The following FAAH2 variants were observed in gnomAD, a reference collection of about 807,000 sequenced individuals.
FAAH2 encodes the protein fatty acid amide hydrolase 2, also known as fatty-acid amide hydrolase 2.
Under a neutral mutation model 36.9 loss-of-function variants are expected in FAAH2, and 60 were observed. The ratio of observed to expected loss-of-function variants is 1.63; its 90% CI spans 1.32 to 2.02. FAAH2 has a LOEUF of 2.02. Ranked by LOEUF, FAAH2 falls within the 30% of genes most tolerant of loss-of-function variation. The pLI, the probability that FAAH2 is intolerant of heterozygous loss-of-function variation, is 0.00. For synonymous variants in FAAH2, 214 were observed against 143.8 expected (o/e 1.49, Z -3.49); for missense variants, 689 against 397.5 (o/e 1.73, Z -6.23).
chrX:57,385,889 CAG>C (rs2055009789), intron 7 of FAAH2, among the ~76,000 whole-genome samples: 1 of 85,256 alleles, frequency 1.2e-5, no homozygotes, highest in African/African-American at 4.3e-5. Context: ...GCCTGGGCGA[CAG>C]AGTGAGACTC....
the FAAH2 span, among the ~76,000 whole-genome samples, chrX:57,200,754 T>A: frequency 8.9e-6 from 1 of 111,936 alleles, no homozygotes; most frequent in South Asian, 3.7e-4. Context: ...TTGTAATTAT[T>A]TTTGATTGGT....
At chrX:57,301,535 C>T (rs2052368407) in intron 2 of FAAH2, among the ~76,000 whole-genome samples, 1 of 107,390 alleles carries the variant, frequency 9.3e-6, no homozygotes, top group South Asian at 4.2e-4. Context: ...ATGGGTGCAG[C>T]ACACCAACAT....
At chrX:57,306,720 GTGTGTGTGTGTA>G (rs1433887816) in intron 2 of FAAH2, among the ~76,000 whole-genome samples, 1,058 of 72,444 alleles carry the variant, frequency 0.015, 19 homozygotes, top group African/African-American at 0.044. Context: ...GTGTGTGTGT[GTGTGTGTGTGTA>G]TATATATACA....
intron 7 of FAAH2, among the ~76,000 whole-genome samples, chrX:57,420,683 T>G (rs1191652202): frequency 9.2e-6 from 1 of 108,375 alleles, no homozygotes; most frequent in East Asian, 2.9e-4. Flanking sequence ...CAATTTGACT[T>G]CCTCTTTTCC....
chrX:57,212,736 G>T, the FAAH2 span, among the ~76,000 whole-genome samples: 1 of 112,022 alleles, frequency 8.9e-6, no homozygotes, highest in South Asian at 3.7e-4. Flanking sequence ...AACAATGAAA[G>T]ATATGAATCA....
chrX:57,233,206 C>A, the FAAH2 span, among the ~76,000 whole-genome samples: 2 of 111,377 alleles, frequency 1.8e-5, no homozygotes, highest in African/African-American at 6.5e-5. Flanking sequence ...TCATTGTTCC[C>A]TGGTGGTCAC....
intron 8 of FAAH2, among the ~76,000 whole-genome samples, chrX:57,438,003 A>C (rs964970113): frequency 9.6e-6 from 1 of 104,392 alleles, no homozygotes; most frequent in Non-Finnish European, 2.0e-5. Context: ...ATACATACGT[A>C]TATGTATACA....
chrX:57,337,151 G>T (rs2053571660), intron 4 of FAAH2, among the ~76,000 whole-genome samples: 1 of 108,039 alleles, frequency 9.3e-6, no homozygotes, highest in Non-Finnish European at 1.9e-5. Flanking sequence ...TAGAAGAAAT[G>T]GAAAAAAATT....
the FAAH2 span, among the ~76,000 whole-genome samples, chrX:57,267,408 G>T: frequency 1.8e-5 from 2 of 112,477 alleles, no homozygotes; most frequent in Non-Finnish European, 3.8e-5. Flanking sequence ...TACAACCTGG[G>T]CAATCACGCA....
At chrX:57,409,057 C>A (rs1045988200) in intron 7 of FAAH2, among the ~76,000 whole-genome samples, 2 of 111,220 alleles carry the variant, frequency 1.8e-5, no homozygotes, top group Non-Finnish European at 3.8e-5. Context: ...ACATATACAG[C>A]ATGTTACTGT....
intron 2 of FAAH2, among the ~76,000 whole-genome samples, chrX:57,302,413 A>G: frequency 8.9e-6 from 1 of 111,897 alleles, no homozygotes; most frequent in Middle Eastern, 4.6e-3. Flanking sequence ...GTAGCATGCT[A>G]GGTGTTGAAG....
chrX:57,372,093 T>A (rs2054566148), intron 5 of FAAH2, among the ~76,000 whole-genome samples: 1 of 63,442 alleles, frequency 1.6e-5, no homozygotes, highest in Admixed American at 1.6e-4. Context: ...TTGTGAATAG[T>A]GCTGTGATGA....
chrX:57,243,767 A>T, the FAAH2 span, among the ~76,000 whole-genome samples: 1 of 111,881 alleles, frequency 8.9e-6, no homozygotes, highest in Non-Finnish European at 1.9e-5. Context: ...GACCAAAGGT[A>T]GACAAATCTA....
At chrX:57,307,083 C>T (rs1457628930) in intron 2 of FAAH2, among the ~76,000 whole-genome samples, 6 of 88,922 alleles carry the variant, frequency 6.7e-5, no homozygotes, top group Non-Finnish European at 1.1e-4. Flanking sequence ...GGGTTTTTAC[C>T]CCTATCGTTG....
At chrX:57,200,794 AT>A in the FAAH2 span, among the ~76,000 whole-genome samples, 2 of 111,844 alleles carry the variant, frequency 1.8e-5, no homozygotes, top group Non-Finnish European at 3.8e-5. Context: ...CTTAAAAGTA[AT>A]TTGCACATCA....
chrX:57,431,848 T>C (rs2056309939), intron 7 of FAAH2, 70 bp from the exon 8 acceptor site: 1 of 914,785 alleles, frequency 1.1e-6, no homozygotes, highest in Non-Finnish European at 1.4e-6. Context: ...GCCATCTTGC[T>C]GATGTCACTC....
the FAAH2 span, among the ~76,000 whole-genome samples, chrX:57,229,654 A>G: frequency 9.0e-6 from 1 of 111,531 alleles, no homozygotes; most frequent in Non-Finnish European, 1.9e-5. Flanking sequence ...TGTCACATGT[A>G]TATTCTTGTC....
chrX:57,197,848 A>C, the FAAH2 span, among the ~76,000 whole-genome samples: 1 of 112,152 alleles, frequency 8.9e-6, no homozygotes, highest in South Asian at 3.7e-4. Flanking sequence ...GTTTCCTTGG[A>C]TGCTGGTTGT....
At chrX:57,327,092 C>G (rs1366863771) in intron 3 of FAAH2, among the ~76,000 whole-genome samples, 1 of 108,418 alleles carries the variant, frequency 9.2e-6, no homozygotes, top group African/African-American at 3.4e-5. Flanking sequence ...TTCTCCTGCA[C>G]TTATGAAGCT....
Sources: allele counts gnomAD v4.1 joint callset (sites outside exome capture counted in the v4.1 genomes callset), GRCh38; gene constraint gnomAD v4.1.1; transcripts MANE v1.5; gene names NCBI Gene and HGNC (gene_info 2026-07-23, HGNC 2026-07-21).